ITPR3: variants seen among roughly 807,000 people sequenced by gnomAD.
The protein encoded by ITPR3 is inositol 1,4,5-trisphosphate receptor type 3.
Under a neutral mutation model 293.2 loss-of-function variants are expected in ITPR3, and 173 were observed. The observed-to-expected ratio is 0.59, with a 90% CI of 0.52 to 0.67. ITPR3 has a LOEUF of 0.67. Ranked by LOEUF, ITPR3 falls within the 30% of genes least tolerant of loss-of-function variation. The pLI, the probability that ITPR3 is intolerant of heterozygous loss-of-function variation, is 0.00. For synonymous variants in ITPR3, 1,295 were observed against 1,444.4 expected (o/e 0.90, Z 2.35); for missense variants, 2,796 against 3,592.1 (o/e 0.78, Z 5.66).
At chr6:33,656,812 C>T (rs1211807375) in intron 3 of ITPR3, among the ~76,000 whole-genome samples, 3 of 152,254 alleles carry the variant, frequency 2.0e-5, no homozygotes, top group East Asian at 1.9e-4. Context: ...TCTCTGTCCC[C>T]TTCCTCTAAG....
At chr6:33,650,031 T>A (rs1358678046) in intron 2 of ITPR3, among the ~76,000 whole-genome samples, 1 of 152,154 alleles carries the variant, frequency 6.6e-6, no homozygotes, top group African/African-American at 2.4e-5. Flanking sequence ...CATCCACAGG[T>A]ACACACCCCG....
In ITPR3 at chr6:33,683,175, A is replaced by G. The variant is rs1342220434; in HGVS notation, c.4598-32A>G. The G allele has an allele frequency of 2.7e-6, 4 of 1,459,228 alleles. No individual in the cohort carries two copies. The highest frequency in any genetic ancestry group is 3.7e-6 in the Non-Finnish European group (4 of 1,092,548). 90.4% of individuals were successfully genotyped at this position (1,459,228 alleles called of 1,614,324 possible). A position where few individuals can be genotyped will look rare whatever the true frequency, so the allele number is the denominator to read the frequency against. On this transcript the variant is annotated intron_variant, in intron 34 of 57. Transcript: ENST00000605930. This position sits in a 1 kb window ranked among gnomAD's most constrained non-coding sequence, Gnocchi z 4.5. ...TGGCTGGCTGAACTGCCCCCGCACC[A>G]GCACTCCAGCACTCCCTCCCTTCCC...
In ITPR3 at chr6:33,658,825, C is replaced by A; in HGVS notation, c.525C>A (p.Asp175Glu). 6.2e-7 allele frequency: 1 copy of A among 1,614,076 alleles called. No individual in the cohort carries two copies. Among genetic ancestry groups the A allele is most frequent in the South Asian group, 1.1e-5 (1 of 91,062 alleles). The change falls in exon 5 of 58, where the codon GAC becomes GAA. Residue 175 changes from aspartate to glutamate, a missense_variant. Asp to Glu is a conservative substitution (Grantham distance 45). Around this residue, in one of 8 missense-constraint regions of ITPR3, gnomAD observed 144 missense variants for 230.8 expected, o/e 0.62. Transcript: ENST00000605930. The surrounding 1 kb of genome is among the most constrained non-coding windows in gnomAD (Gnocchi z 6.1). ...QPFWKLRSNG[D>E]NVVVGDKVIL... ...TCTGGAAGCTGCGGAGCAACGGGGACAACGTGAGGGCAGGGCCAGGGTTGG... is the reference window on the plus strand; with the variant it reads ...TCTGGAAGCTGCGGAGCAACGGGGAAAACGTGAGGGCAGGGCCAGGGTTGG...
rs1765251419 is a variant in ITPR3, at chr6:33,687,100, A to G, written c.6071A>G (p.Glu2024Gly). Residue 2024 changes from glutamate to glycine, a missense_variant, in exon 44 of 58, where the codon GAG becomes GGG. By Grantham distance (98) the Glu-to-Gly change is moderately conservative. This residue lies in a region of ITPR3 where 704 missense variants were observed against 797.5 expected (regional missense o/e 0.88). Transcript: ENST00000605930. The surrounding 1 kb of genome is among the most constrained non-coding windows in gnomAD (Gnocchi z 5.3). ...ATCCTCATCAGCCTGCGGCCCCAGG[A>G]GCTGGTGAGGCTGGGCAGGTGGGCA... Reference protein sequence around the residue: ...ERILISLRPQELVDVIKKAYL... With the variant: ...ERILISLRPQGLVDVIKKAYL... 1.2e-6 allele frequency: 2 copies of G among 1,613,810 alleles called. No homozygotes were observed. The highest frequency in any genetic ancestry group is 1.7e-6 in the Non-Finnish European group (2 of 1,179,868).
intron 2 of ITPR3, among the ~76,000 whole-genome samples, chr6:33,650,824 G>C (rs1191512642): frequency 6.6e-6 from 1 of 150,832 alleles, no homozygotes; most frequent in Non-Finnish European, 1.5e-5. Flanking sequence ...GATTGAAGCA[G>C]AGAAGACATA....
chr6:33,680,133 G>C lies in ITPR3; in HGVS notation c.4224G>C (p.Glu1408Asp). Residue 1408 changes from glutamate to aspartate, a missense_variant and splice_region_variant, in exon 31 of 58, where the codon GAG becomes GAC. Coordinates refer to ENST00000605930, the MANE Select transcript of ITPR3 (RefSeq NM_002224.4). The stretch of plus-strand genomic sequence containing the variant: ...TGACGCATGAGGACTGCATCACTGA[G>C]GTGGGGATCGGGAGACTGGGCAAGA... ...SVVTHEDCIT[E>D]VKMAYVNFVN... is the part of the protein sequence containing the mutation. The C allele has an allele frequency of 6.2e-7, 1 of 1,611,334 alleles. No individual in the cohort carries two copies.
intron 43 of ITPR3, 67 bp downstream of exon 43, chr6:33,686,586 TTG>T (rs1182925466): frequency 2.4e-6 from 3 of 1,257,592 alleles, no homozygotes; most frequent in African/African-American, 1.5e-5. Context: ...TATGTGTGAC[TTG>T]TGTGTCAAGT....
intron 56 of ITPR3, chr6:33,694,560 CGGGA>C (rs1489147018): frequency 3.4e-5 from 9 of 264,614 alleles, no homozygotes; most frequent in African/African-American, 1.9e-4. Flanking sequence ...GGCAGGCGGG[CGGGA>C]GGAAGGAAGG....
rs907610380 is a variant in ITPR3 at position 33,656,029 on chromosome 6, C to G, written c.282+142C>G. 76 of 1,097,378 alleles carry G rather than the reference C, an allele frequency of 6.9e-5. No individual in the cohort carries two copies. In the African/African-American group the frequency reaches 1.2e-3, roughly 17 times the overall value. The allele number at this position is 1,097,378 out of a possible 1,614,324, so 68.0% of individuals were successfully genotyped here. A position where few individuals can be genotyped will look rare whatever the true frequency, so the allele number is the denominator to read the frequency against. The stretch of plus-strand genomic sequence containing the variant: ...TAAAACTCGTATGGGCGTGACAGTT[C>G]ACACCTGTAATTCCAGCACTTTGGG... On this transcript the variant is annotated intron_variant, in intron 3 of 57. Coordinates refer to ENST00000605930, the MANE Select transcript of ITPR3 (RefSeq NM_002224.4).
At chr6:33,660,940 A>G (rs1302417008) in intron 7 of ITPR3, among the ~76,000 whole-genome samples, 1 of 148,370 alleles carries the variant, frequency 6.7e-6, no homozygotes, top group Non-Finnish European at 1.5e-5. Flanking sequence ...CAAAAAAAAC[A>G]AACAAGCAAA....
In ITPR3 at chr6:33,683,927, C is replaced by T; in HGVS notation, c.4789-93C>T. On this transcript the variant is annotated intron_variant, in intron 35 of 57. Transcript: ENST00000605930. This position sits in a 1 kb window ranked among gnomAD's most constrained non-coding sequence, Gnocchi z 4.5. Reference sequence around the variant, plus strand: ...GCCCCTCAGACAGAGGCAGGGCAATCTGTGGGGCTGTTTGGCGTTTGGGTC... The same window carrying T: ...GCCCCTCAGACAGAGGCAGGGCAATTTGTGGGGCTGTTTGGCGTTTGGGTC... The T allele has an allele frequency of 7.0e-7, 1 of 1,421,254 alleles. No homozygotes were observed. Among genetic ancestry groups the T allele is most frequent in the Non-Finnish European group, 9.5e-7 (1 of 1,048,526 alleles). 88.0% of individuals were successfully genotyped at this position (1,421,254 alleles called of 1,614,324 possible).
rs1234098885 is a variant in ITPR3 at position 33,671,288 on chromosome 6, G to A, written c.2710G>A (p.Ala904Thr). The part of the protein sequence containing the change: ...CVQGPPAMLQ[A>T]YEDPGGKNVR... ...GCAGGGGCCCCCGGCCATGCTGCAG[G>A]CCTATGAGGACCCCGGTGGTGAGGC... The change falls in exon 21 of 58, where the codon GCC becomes ACC. Residue 904 changes from alanine to threonine, a missense_variant. This residue lies in a region of ITPR3 where 955 missense variants were observed against 1,180.8 expected (regional missense o/e 0.81). Coordinates refer to ENST00000605930, the MANE Select transcript of ITPR3 (RefSeq NM_002224.4). 2 of 1,612,922 alleles carry A rather than the reference G, an allele frequency of 1.2e-6. No homozygotes were observed. Among genetic ancestry groups the A allele is most frequent in the East Asian group, 2.2e-5 (1 of 44,888 alleles).
In ITPR3 at chr6:33,665,877, C is replaced by T. The variant is rs774420085; in HGVS notation, c.1452C>T (p.Ser484=). The change falls in exon 14 of 58, where the codon AGC becomes AGT. Residue 484 remains serine, a synonymous_variant. Coordinates refer to ENST00000605930, the MANE Select transcript of ITPR3 (RefSeq NM_002224.4). The part of the protein sequence containing the change: ...QLLEDLVFFV[S]DVPNNGQNVL... ...TGGAAGACCTGGTGTTCTTTGTCAGCGATGTCCCCAACAATGGGCAGAATG... is the reference window on the plus strand; with the variant it reads ...TGGAAGACCTGGTGTTCTTTGTCAGTGATGTCCCCAACAATGGGCAGAATG... 3.7e-6 allele frequency: 6 copies of T among 1,614,154 alleles called. No individual in the cohort carries two copies. Among genetic ancestry groups the T allele is most frequent in the Non-Finnish European group, 4.2e-6 (5 of 1,180,016 alleles).
At chr6:33,665,656 T>C (rs1005466641) in intron 13 of ITPR3, among the ~76,000 whole-genome samples, 179 bp from the exon 14 acceptor site, 5 of 151,980 alleles carry the variant, frequency 3.3e-5, no homozygotes, top group Non-Finnish European at 5.9e-5. Flanking sequence ...CTGGGCGTGT[T>C]TGGAGAGCAT....
At chr6:33,661,604 A>G (rs895813423) in intron 7 of ITPR3, among the ~76,000 whole-genome samples, 3 of 152,212 alleles carry the variant, frequency 2.0e-5, no homozygotes, top group Non-Finnish European at 4.4e-5. Context: ...AATCCTCACA[A>G]TTTCTGCAAG....
In ITPR3 at chr6:33,658,939, CTG is replaced by C; in HGVS notation, c.529-81_529-80del. ...CATGCCCATTTCTTAGAAGGGCAGA[CTG>C]AGACCAAAGGGAGGCCTGGAGGCGT... On this transcript the variant is annotated intron_variant, in intron 5 of 57. Coordinates refer to ENST00000605930, the MANE Select transcript of ITPR3 (RefSeq NM_002224.4). This position sits in a 1 kb window ranked among gnomAD's most constrained non-coding sequence, Gnocchi z 6.1. The C allele has an allele frequency of 6.3e-7, 1 of 1,599,930 alleles. No individual in the cohort carries two copies. The highest frequency in any genetic ancestry group is 8.6e-7 in the Non-Finnish European group (1 of 1,168,880).
In ITPR3 at chr6:33,691,717, A is replaced by G. The variant is rs748840071; in HGVS notation, c.7328A>G (p.Glu2443Gly). The G allele has an allele frequency of 6.2e-7, 1 of 1,613,888 alleles. No individual in the cohort carries two copies. Among genetic ancestry groups the G allele is most frequent in the African/African-American group, 1.3e-5 (1 of 74,988 alleles). The change falls in exon 53 of 58, where the codon GAA becomes GGA. Residue 2443 changes from glutamate to glycine, a missense_variant and splice_region_variant. This residue lies in a region of ITPR3 where 568 missense variants were observed against 796.1 expected (regional missense o/e 0.71). Coordinates refer to ENST00000605930, the MANE Select transcript of ITPR3 (RefSeq NM_002224.4). The surrounding 1 kb of genome is among the most constrained non-coding windows in gnomAD (Gnocchi z 4.9). ...GGGCTCTCGGTGCCTGAGGTCCTGGAAGGTGAGGGTGGTGTGTGTGCAGGA... is the reference window on the plus strand; with the variant it reads ...GGGCTCTCGGTGCCTGAGGTCCTGGGAGGTGAGGGTGGTGTGTGTGCAGGA... ...VSGLSVPEVLEEDRELDSTER... is the reference protein window; with the variant it reads ...VSGLSVPEVLGEDRELDSTER...
intron 2 of ITPR3, among the ~76,000 whole-genome samples, chr6:33,650,148 A>C: frequency 6.6e-6 from 1 of 151,776 alleles, no homozygotes. Flanking sequence ...CTACCCATCC[A>C]CCCTCCTTCT....
Position 33,688,507 on chromosome 6 carries a change from C to T in ITPR3, c.6568+76C>T, listed in dbSNP as rs186818038. Reference sequence around the variant, plus strand: ...GCCCTGTTATAACGGCCTCCTTTGCCTGCCTGTGGGTGCCCTGCGCCCAAC... The same window carrying T: ...GCCCTGTTATAACGGCCTCCTTTGCTTGCCTGTGGGTGCCCTGCGCCCAAC... On this transcript the variant is annotated intron_variant, in intron 48 of 57. Transcript: ENST00000605930. 1,492 of 1,498,644 alleles carry T rather than the reference C, an allele frequency of 1.0e-3. 13 individuals are homozygous for T. In the African/African-American group the frequency reaches 0.019, roughly 19 times the overall value. The allele number at this position is 1,498,644 out of a possible 1,614,324, so 92.8% of individuals were successfully genotyped here.
Sources: allele counts gnomAD v4.1 joint callset (sites outside exome capture counted in the v4.1 genomes callset), GRCh38; gene constraint gnomAD v4.1.1; regional missense constraint gnomAD v4.1.1; non-coding constraint Gnocchi (gnomAD v3.1); transcripts MANE v1.5; gene names NCBI Gene and HGNC (gene_info 2026-07-23, HGNC 2026-07-21).